NDFIP1: variants seen among roughly 807,000 people sequenced by gnomAD.
The protein encoded by NDFIP1 is Nedd4 family interacting protein 1.
A neutral mutation model predicts 28.8 loss-of-function variants in NDFIP1; 7 were observed. That is an observed-to-expected ratio of 0.24 (90% confidence interval 0.14 to 0.46). The LOEUF (loss-of-function observed/expected upper bound fraction) is 0.46. NDFIP1 is among the 20% of genes least tolerant of loss of function. The probability of loss-of-function intolerance (pLI) is 0.99; values close to 1 mark genes in which losing one functional copy is unlikely to be tolerated. For missense variants in NDFIP1, 194 were observed against 269.1 expected (o/e 0.72, Z 1.95); for synonymous variants, 92 against 101.0 (o/e 0.91, Z 0.53).
intron 1 of NDFIP1, among the ~76,000 whole-genome samples, chr5:142,127,381 T>C (rs997466651): frequency 3.3e-5 from 5 of 152,158 alleles, no homozygotes; most frequent in African/African-American, 1.2e-4. Flanking sequence ...AAAGGCACCA[T>C]GGCAGATTGT....
chr5:142,115,450 A>AT (rs949348234), intron 1 of NDFIP1, among the ~76,000 whole-genome samples: 5 of 151,750 alleles, frequency 3.3e-5, no homozygotes, highest in African/African-American at 9.7e-5. Flanking sequence ...CGCCCAGCTA[A>AT]TTTTTTGTAT....
At chr5:142,112,419 A>T (rs540516637) in intron 1 of NDFIP1, among the ~76,000 whole-genome samples, 1 of 151,020 alleles carries the variant, frequency 6.6e-6, no homozygotes, top group Admixed American at 6.6e-5. Context: ...CACATCTGTA[A>T]CTCCAGCTAC....
At chr5:142,127,903 CCAAGA>C (rs1205365600) in intron 1 of NDFIP1, among the ~76,000 whole-genome samples, 5 of 152,134 alleles carry the variant, frequency 3.3e-5, no homozygotes, top group African/African-American at 1.2e-4. Flanking sequence ...TTGCAGTGAG[CCAAGA>C]TGGTACCACT....
chr5:142,134,245 A>G (rs78368351), intron 3 of NDFIP1, among the ~76,000 whole-genome samples: 3,086 of 152,294 alleles, frequency 0.02, 115 homozygotes, highest in African/African-American at 0.071. Flanking sequence ...AGGATGCATC[A>G]TGGTAGAAGA....
At chr5:142,132,976 G>A (rs1757241382) in intron 3 of NDFIP1, among the ~76,000 whole-genome samples, 1 of 152,228 alleles carries the variant, frequency 6.6e-6, no homozygotes, top group South Asian at 2.1e-4. Context: ...TGAAGGTAGG[G>A]CATTGTGGGA....
intron 1 of NDFIP1, among the ~76,000 whole-genome samples, chr5:142,129,927 AAAAGAAAG>A (rs573914172): frequency 2.9e-5 from 4 of 138,398 alleles, no homozygotes; most frequent in African/African-American, 5.2e-5. Context: ...AAAAAAAAAA[AAAAGAAAG>A]AAAGAAAATT....
At chr5:142,148,732 CAG>C (rs2126924592) in intron 7 of NDFIP1, among the ~76,000 whole-genome samples, 2 of 112,058 alleles carry the variant, frequency 1.8e-5, no homozygotes, top group South Asian at 5.8e-4. Flanking sequence ...GCCTGGGCGA[CAG>C]AGCGAGACTC....
chr5:142,121,758 T>C (rs936466606), intron 1 of NDFIP1, among the ~76,000 whole-genome samples: 2 of 152,232 alleles, frequency 1.3e-5, no homozygotes, highest in African/African-American at 4.8e-5. Flanking sequence ...TGTGAATTTA[T>C]TTGGAGATTT....
chr5:142,125,607 G>C (rs1250719618), intron 1 of NDFIP1, among the ~76,000 whole-genome samples: 2 of 152,142 alleles, frequency 1.3e-5, no homozygotes, highest in Non-Finnish European at 1.5e-5. Context: ...TGATCCTCCT[G>C]CCTCAGCCTC....
intron 1 of NDFIP1, among the ~76,000 whole-genome samples, chr5:142,114,247 ATAG>A (rs1196547713): frequency 6.6e-6 from 1 of 151,798 alleles, no homozygotes; most frequent in African/African-American, 2.4e-5. Context: ...TGTTTTTTTG[ATAG>A]TAGCCATCTA....
intron 1 of NDFIP1, among the ~76,000 whole-genome samples, chr5:142,119,259 C>G (rs868350522): frequency 6.6e-6 from 1 of 152,218 alleles, no homozygotes; most frequent in Non-Finnish European, 1.5e-5. Flanking sequence ...TTCCACCATC[C>G]ATTTACATCA....
At chr5:142,122,060 G>A (rs1481773894) in intron 1 of NDFIP1, among the ~76,000 whole-genome samples, 1 of 152,172 alleles carries the variant, frequency 6.6e-6, no homozygotes, top group East Asian at 1.9e-4. Flanking sequence ...TATGATTTAT[G>A]TATAAAAACA....
At chr5:142,144,036 A>G (rs1471469302) in intron 6 of NDFIP1, 1 of 151,508 alleles carries the variant, frequency 6.6e-6, no homozygotes, top group East Asian at 1.9e-4. Context: ...ATAGTAGACA[A>G]AGTTTCAAGT....
chr5:142,140,875 C>T (rs918656600), intron 6 of NDFIP1, among the ~76,000 whole-genome samples: 1 of 152,144 alleles, frequency 6.6e-6, no homozygotes, highest in African/African-American at 2.4e-5. Flanking sequence ...TCTTCTCCCC[C>T]ATGTGATAAA....
intron 7 of NDFIP1, among the ~76,000 whole-genome samples, chr5:142,145,667 G>A (rs1757381578): frequency 1.3e-5 from 2 of 152,168 alleles, no homozygotes; most frequent in Admixed American, 6.6e-5. Context: ...TATGGGGCTT[G>A]TTCAGAGGAT....
rs1596794013 is a variant in NDFIP1, at chr5:142,141,956, AG to A, written c.562+1328del. ...TAAGACCAGCCTGGGCAACATAGCA[AG>A]ACCTCGTCTCTACAAAAAAATTTTT... is the stretch of plus-strand genomic sequence containing the variant. On this transcript the variant is annotated intron_variant, in intron 6 of 7. Coordinates refer to ENST00000253814, the MANE Select transcript of NDFIP1 (RefSeq NM_030571.4). Among the ~76,000 whole-genome samples the A allele has an allele frequency of 2.0e-5, 3 of 152,150 alleles. No individual in the cohort carries two copies. The East Asian group carries it at 5.8e-4, about 29-fold the overall frequency.
chr5:142,120,968 C>T (rs561284792), intron 1 of NDFIP1, among the ~76,000 whole-genome samples: 1 of 152,236 alleles, frequency 6.6e-6, no homozygotes, highest in Non-Finnish European at 1.5e-5. Flanking sequence ...GTATGCTCTA[C>T]TCCAGGCTAA....
rs745433448 is a variant in NDFIP1, at chr5:142,152,050, C to T, written c.*322C>T. On this transcript the variant is annotated 3_prime_UTR_variant, in exon 8 of 8. Transcript: ENST00000253814. ...GTAGCATGAGCCATGTCCCTGTAGT[C>T]GGTAGGGGGCAGTCTTGCTTTATTC... The T allele has an allele frequency of 2.6e-5, 4 of 152,682 alleles. No individual in the cohort carries two copies. The highest frequency in any genetic ancestry group is 5.9e-5 in the Non-Finnish European group (4 of 68,022). 9.5% of individuals were successfully genotyped at this position (152,682 alleles called of 1,614,324 possible). A position where few individuals can be genotyped will look rare whatever the true frequency, so the allele number is the denominator to read the frequency against.
At chr5:142,150,810 T>C (rs1757439561) in intron 7 of NDFIP1, among the ~76,000 whole-genome samples, 1 of 152,092 alleles carries the variant, frequency 6.6e-6, no homozygotes. Context: ...GAAAAGTAAG[T>C]TATAGGCCGA....
Sources: allele counts gnomAD v4.1 joint callset (sites outside exome capture counted in the v4.1 genomes callset), GRCh38; gene constraint gnomAD v4.1.1; transcripts MANE v1.5; gene names NCBI Gene and HGNC (gene_info 2026-07-23, HGNC 2026-07-21).